The following DIDO1 variants were observed in gnomAD, a reference collection of about 807,000 sequenced individuals.
DIDO1 encodes the protein death inducer-obliterator 1.
Under a neutral mutation model 99.4 loss-of-function variants are expected in DIDO1, and 16 were observed. The ratio of observed to expected loss-of-function variants is 0.16; its 90% confidence interval spans 0.11 to 0.24. The LOEUF (loss-of-function observed/expected upper bound fraction) is 0.24, where lower values mean the gene tolerates loss of function less well. DIDO1 is among the 10% of genes least tolerant of loss of function. The pLI, the probability that DIDO1 is intolerant of heterozygous loss-of-function variation, is 1.00. For missense variants in DIDO1, 2,996 were observed against 3,014.0 expected, an observed-to-expected ratio of 0.99 and a Z score of 0.14; for synonymous variants, 1,366 against 1,239.1, an observed-to-expected ratio of 1.10 and a Z score of -2.15.
At chr20:62,884,400 G>T (rs973447780) in intron 15 of DIDO1, among the ~76,000 whole-genome samples, 1 of 152,152 alleles carries the variant, frequency 6.6e-6, no homozygotes, top group East Asian at 1.9e-4. Flanking sequence ...CAGCGGCAGC[G>T]ACGTAACACT....
At position 62,881,418 on chromosome 20, in the gene DIDO1, T is replaced by C. The variant is rs781286999; in HGVS notation, c.4538A>G (p.His1513Arg). The C allele has an allele frequency of 1.2e-6, 2 of 1,607,790 alleles. No homozygotes were observed. Among genetic ancestry groups the C allele is most frequent in the South Asian group, 2.2e-5 (2 of 91,074 alleles). Residue 1513 changes from histidine (H) to arginine (R), a missense_variant, in exon 16 of 16, where the codon CAC (histidine) becomes CGC (arginine). Around this residue, in one of 5 missense-constraint regions of DIDO1, gnomAD observed 1,562 missense variants for 1,412.6 expected, o/e 1.11. Coordinates refer to ENST00000395343, the MANE Select transcript of DIDO1 (RefSeq NM_001193369.2). This position sits in a 1 kb window ranked among gnomAD's most constrained non-coding sequence, Gnocchi z 8.3. Reference protein sequence around the residue: ...QRAAVGVSMAHFSVSDALMSP... With the variant: ...QRAAVGVSMARFSVSDALMSP... ...CATCAAGGCGTCCGACACCGAGAAGTGGGCCATGGAGACCCCGACGGCGGC... is the reference window on the plus strand; with the variant it reads ...CATCAAGGCGTCCGACACCGAGAAGCGGGCCATGGAGACCCCGACGGCGGC...
chr20:62,881,151 C>T lies in DIDO1; in HGVS notation c.4805G>A (p.Gly1602Asp). The T allele has an allele frequency of 6.2e-7, 1 of 1,607,814 alleles. No homozygotes were observed. The highest frequency in any genetic ancestry group is 8.5e-7 in the Non-Finnish European group (1 of 1,179,328). The stretch of plus-strand genomic sequence containing the variant: ...CTCCGGGACTGGCATGGGCGCCTGG[C>T]CCACGAGGCCACCCCTGGAAGCATC... ...ERDASRGGLV[G>D]QAPMPVPEEK... Residue 1602 changes from glycine to aspartate, a missense_variant, in exon 16 of 16, where the codon GGC becomes GAC. Transcript: ENST00000395343. The surrounding 1 kb of genome is among the most constrained non-coding windows in gnomAD (Gnocchi z 8.3).
intron 1 of DIDO1, among the ~76,000 whole-genome samples, chr20:62,922,755 C>A (rs1433470853): frequency 6.6e-6 from 1 of 152,184 alleles, no homozygotes; most frequent in Non-Finnish European, 1.5e-5. Context: ...AGAGAAAGGC[C>A]CTCTTAGGCG....
chr20:62,924,936 T>C (rs2065224855), intron 1 of DIDO1, among the ~76,000 whole-genome samples: 2 of 152,182 alleles, frequency 1.3e-5, no homozygotes, highest in South Asian at 4.1e-4. Context: ...TTATGAAACT[T>C]GCTGAAACAA....
In DIDO1 at chr20:62,880,895, C is replaced by T; in HGVS notation, c.5061G>A (p.Gly1687=). The part of the protein sequence containing the change: ...DGERDPFTCP[G]FASQDKALGS... ...CGAGAGCCTTGTCCTGCGACGCGAA[C>T]CCCGGGCAGGTGAAAGGGTCCCTCT... The change falls in exon 16 of 16, where the codon GGG becomes GGA. Residue 1687 remains glycine, a synonymous_variant. Coordinates refer to ENST00000395343, the MANE Select transcript of DIDO1 (RefSeq NM_001193369.2). 6.2e-7 allele frequency: 1 copy of T among 1,611,852 alleles called. No individual in the cohort carries two copies. Among genetic ancestry groups the T allele is most frequent in the Non-Finnish European group, 8.5e-7 (1 of 1,179,934 alleles).
intron 14 of DIDO1, 46 bp from the exon 15 acceptor site, chr20:62,891,201 AG>A: frequency 6.2e-7 from 1 of 1,610,930 alleles, no homozygotes; most frequent in Non-Finnish European, 8.5e-7. Context: ...ATGTGGCTCA[AG>A]CATCACACGC....
chr20:62,885,487 A>AT (rs1377560255), intron 15 of DIDO1, among the ~76,000 whole-genome samples: 1 of 152,188 alleles, frequency 6.6e-6, no homozygotes, highest in Non-Finnish European at 1.5e-5. Context: ...AATAATTAGT[A>AT]TATCCCAACC....
At position 62,896,924 on chromosome 20, in the gene DIDO1, C is replaced by G. The variant is rs768517454; in HGVS notation, c.1661G>C (p.Gly554Ala). 1.2e-6 allele frequency: 2 copies of G among 1,614,026 alleles called. No individual in the cohort carries two copies. The highest frequency in any genetic ancestry group is 1.7e-6 in the Non-Finnish European group (2 of 1,179,944). Residue 554 changes from glycine to alanine, a missense_variant, in exon 7 of 16, where the codon GGC becomes GCC. Transcript: ENST00000395343. The surrounding 1 kb of genome is among the most constrained non-coding windows in gnomAD (Gnocchi z 4.4). Reference protein sequence around the residue: ...MAASKKTAPPGSAVGKQPAPR... With the variant: ...MAASKKTAPPASAVGKQPAPR... ...TGCAGGCTGCTTGCCCACCGCGGAG[C>G]CTGGAGGGGCTGTTTTCTTTGAGGC...
Position 62,890,979 on chromosome 20 carries a change from G to C in DIDO1, c.3522C>G (p.Leu1174=), listed in dbSNP as rs202093729. ...LSAQDPVPSK[L]LPFEGPGLES... ...GCTTACCTGGTCCCTCAAAGGGCAA[G>C]AGTTTGGATGGAACAGGGTCCTGGG... The change falls in exon 15 of 16, where the codon CTC becomes CTG. Residue 1174 remains leucine (L), a synonymous_variant. Transcript: ENST00000395343. The C allele has an allele frequency of 2.5e-6, 4 of 1,614,148 alleles. No individual in the cohort carries two copies. The highest frequency in any genetic ancestry group is 3.4e-6 in the Non-Finnish European group (4 of 1,180,050).
chr20:62,885,396 A>T (rs1354980286), intron 15 of DIDO1, among the ~76,000 whole-genome samples: 1 of 152,190 alleles, frequency 6.6e-6, no homozygotes, highest in African/African-American at 2.4e-5. Flanking sequence ...TGATGTACAA[A>T]ATCACTGTTA....
Position 62,880,528 on chromosome 20 carries a change from A to G in DIDO1, c.5428T>C (p.Leu1810=). 2 of 1,612,904 alleles carry G rather than the reference A, an allele frequency of 1.2e-6. No individual in the cohort carries two copies. The highest frequency in any genetic ancestry group is 1.7e-6 in the Non-Finnish European group (2 of 1,179,934). The change falls in exon 16 of 16, where the codon TTA becomes CTA. Residue 1810 remains leucine, a synonymous_variant. Transcript: ENST00000395343. ...FGAQKGPIPS[L]FSGQHGPPPY... Reference sequence around the variant, plus strand: ...GGTGGCCCATGTTGCCCCGAGAATAAGGAAGGGATGGGCCCCTTCTGGGCT... The same window carrying G: ...GGTGGCCCATGTTGCCCCGAGAATAGGGAAGGGATGGGCCCCTTCTGGGCT...
At chr20:62,918,126 A>C (rs1345106111) in intron 1 of DIDO1, among the ~76,000 whole-genome samples, 1 of 152,258 alleles carries the variant, frequency 6.6e-6, no homozygotes, top group Non-Finnish European at 1.5e-5. Flanking sequence ...CAAAACAGTA[A>C]GCAGCCAAAA....
intron 15 of DIDO1, chr20:62,888,811 T>C: frequency 2.0e-6 from 2 of 985,474 alleles, no homozygotes; most frequent in Non-Finnish European, 2.4e-6. Flanking sequence ...GAAGGCTGTT[T>C]AGTGACCATG....
At chr20:62,887,601 CGA>C (rs1356263591) in intron 15 of DIDO1, 1 of 985,404 alleles carries the variant, frequency 1.0e-6, no homozygotes, top group African/African-American at 1.7e-5. Flanking sequence ...ACCAAGGCTC[CGA>C]GGCCTGCGGC....
chr20:62,920,564 TAATC>T (rs2065118942), intron 1 of DIDO1, among the ~76,000 whole-genome samples: 1 of 152,228 alleles, frequency 6.6e-6, no homozygotes, highest in South Asian at 2.1e-4. Flanking sequence ...TTCCTAAAAG[TAATC>T]AATTTCCCCA....
rs1161095290 is a variant in DIDO1, at chr20:62,893,878, C to T, written c.2889G>A (p.Val963=). 7 of 1,612,100 alleles carry T rather than the reference C, an allele frequency of 4.3e-6. No homozygotes were observed. In the East Asian group the frequency reaches 1.3e-4, roughly 31 times the overall value. Residue 963 remains valine, a synonymous_variant, in exon 12 of 16, where the codon GTG becomes GTA. Transcript: ENST00000395343. ...GAGCGGTCCTGGGGTCCCGGCCGGACACTGTGACGGTGGTGACCACCCCGC... is the reference window on the plus strand; with the variant it reads ...GAGCGGTCCTGGGGTCCCGGCCGGATACTGTGACGGTGGTGACCACCCCGC... ...CGSGVVTTVT[V]SGRDPRTAPS... is the part of the protein sequence containing the mutation.
At position 62,879,559 on chromosome 20, in the gene DIDO1, G is replaced by C; in HGVS notation, c.6397C>G (p.Arg2133Gly). 3 of 1,601,120 alleles carry C rather than the reference G, an allele frequency of 1.9e-6. No individual in the cohort carries two copies. The highest frequency in any genetic ancestry group is 2.5e-6 in the Non-Finnish European group (3 of 1,179,366). ...TTGTCCCGGTGTCGGTCCCACTCCC[G>C]GGGCCGGTCCCAGTCCCGCTCTCGG... Reference protein sequence around the residue: ...WSRERDWDRPREWDRHRDKDS... With the variant: ...WSRERDWDRPGEWDRHRDKDS... The change falls in exon 16 of 16, where the codon CGG becomes GGG. Residue 2133 changes from arginine (R) to glycine (G), a missense_variant. This residue lies in a region of DIDO1 where 1,562 missense variants were observed against 1,412.6 expected (regional missense o/e 1.11). Transcript: ENST00000395343. This position sits in a 1 kb window ranked among gnomAD's most constrained non-coding sequence, Gnocchi z 6.3.
At chr20:62,917,053 G>A (rs2065050503) in intron 1 of DIDO1, among the ~76,000 whole-genome samples, 1 of 152,070 alleles carries the variant, frequency 6.6e-6, no homozygotes, top group Non-Finnish European at 1.5e-5. Flanking sequence ...TGTTGCCCAG[G>A]ATGGAGTGCA....
rs2064183099 is a variant in DIDO1, at chr20:62,880,593, G to A, written c.5363C>T (p.Ser1788Phe). 6 of 1,612,906 alleles carry A rather than the reference G, an allele frequency of 3.7e-6. No individual in the cohort carries two copies. In the East Asian group the frequency reaches 1.3e-4, roughly 36 times the overall value. Reference sequence around the variant, plus strand: ...CGGAGGCCCTCGTGGCCCATCGTTAGAAGCGATATTCTCTTCTGGAAACGG... The same window carrying A: ...CGGAGGCCCTCGTGGCCCATCGTTAAAAGCGATATTCTCTTCTGGAAACGG... ...APPFPEENIA[S>F]NDGPRGPPPA... is the part of the protein sequence containing the mutation. Residue 1788 changes from serine to phenylalanine, a missense_variant, in exon 16 of 16, where the codon TCT becomes TTT. Coordinates refer to ENST00000395343, the MANE Select transcript of DIDO1 (RefSeq NM_001193369.2).
Sources: allele counts gnomAD v4.1 joint callset (sites outside exome capture counted in the v4.1 genomes callset), GRCh38; gene constraint gnomAD v4.1.1; regional missense constraint gnomAD v4.1.1; non-coding constraint Gnocchi (gnomAD v3.1); transcripts MANE v1.5; gene names NCBI Gene and HGNC (gene_info 2026-07-23, HGNC 2026-07-21).